SPOCK1: variants seen among roughly 807,000 people sequenced by gnomAD.
The protein encoded by SPOCK1 is testican-1.
A neutral mutation model predicts 55.3 loss-of-function variants in SPOCK1; 23 were observed. The ratio of observed to expected loss-of-function variants is 0.42; its 90% CI spans 0.30 to 0.59. The LOEUF is 0.59. Among genes scored for constraint, SPOCK1 ranks in the 20% least tolerant of loss-of-function variants. The pLI is 0.22. For missense variants in SPOCK1, 499 were observed against 552.5 expected, an observed-to-expected ratio of 0.90 and a Z score of 0.97; for synonymous variants, 226 against 221.0, an observed-to-expected ratio of 1.02 and a Z score of -0.20.
intron 3 of SPOCK1, among the ~76,000 whole-genome samples, chr5:137,209,773 T>G (rs1319695028): frequency 6.6e-6 from 1 of 152,192 alleles, no homozygotes; most frequent in Non-Finnish European, 1.5e-5. Context: ...AATTAGCATG[T>G]GGTTACTGCG....
intron 2 of SPOCK1, among the ~76,000 whole-genome samples, chr5:137,370,354 T>A (rs1487791519): frequency 6.6e-6 from 1 of 152,204 alleles, no homozygotes; most frequent in Non-Finnish European, 1.5e-5. Flanking sequence ...CTTAATCACG[T>A]CCCTGCCAGA....
intron 3 of SPOCK1, among the ~76,000 whole-genome samples, chr5:137,200,326 T>C (rs886240226): frequency 6.6e-6 from 1 of 152,198 alleles, no homozygotes; most frequent in African/African-American, 2.4e-5. Context: ...CAGTGAGGCC[T>C]TTCCCTGGCC....
At chr5:137,146,588 A>G (rs754135075) in intron 3 of SPOCK1, among the ~76,000 whole-genome samples, 7 of 152,228 alleles carry the variant, frequency 4.6e-5, no homozygotes, top group Admixed American at 1.3e-4. Context: ...TCGTCAAGCT[A>G]TGAGCAGGAA....
At chr5:137,391,236 C>A (rs1256540194) in intron 2 of SPOCK1, among the ~76,000 whole-genome samples, 1 of 152,138 alleles carries the variant, frequency 6.6e-6, no homozygotes, top group Non-Finnish European at 1.5e-5. Context: ...TGAACTCATC[C>A]TTTTTATGGC....
rs187841747 is a variant in SPOCK1, at chr5:137,353,380, C to A, written c.187-86325G>T. ...TGGATGACAGAGCAAAACCCTGATT[C>A]AATCAATCAATCAATAAATAAAAAT... On this transcript the variant is annotated intron_variant, in intron 2 of 10. Transcript: ENST00000394945. Among the ~76,000 whole-genome samples the A allele has an allele frequency of 8.9e-4, 135 of 152,200 alleles. 2 individuals are homozygous for A. The East Asian group carries it at 0.02, about 23-fold the overall frequency.
intron 6 of SPOCK1, among the ~76,000 whole-genome samples, chr5:137,040,230 A>G (rs1343210229): frequency 6.6e-6 from 1 of 152,196 alleles, no homozygotes; most frequent in Admixed American, 6.5e-5. Flanking sequence ...CAGCAATCCG[A>G]AGAGGTGGGA....
chr5:137,293,089 A>ATTTTTTTTTTTTTTTTTTTTTTTT (rs531537488), intron 2 of SPOCK1, among the ~76,000 whole-genome samples: 2 of 100,850 alleles, frequency 2.0e-5, no homozygotes, highest in African/African-American at 8.2e-5. Flanking sequence ...GGTTTGTTGA[A>ATTTTTTTTTTTTTTTTTTTTTTTT]TTTTTTTTTT....
intron 2 of SPOCK1, among the ~76,000 whole-genome samples, chr5:137,491,495 C>T (rs1354843982): frequency 1.3e-5 from 2 of 152,180 alleles, no homozygotes; most frequent in African/African-American, 2.4e-5. Context: ...ACAGTGCACT[C>T]AGCCATTCAT....
chr5:137,459,938 G>T (rs1033721597), intron 2 of SPOCK1, among the ~76,000 whole-genome samples: 1 of 152,140 alleles, frequency 6.6e-6, no homozygotes, highest in Non-Finnish European at 1.5e-5. Context: ...TAGGAGAAGG[G>T]GCTTGGCATG....
At chr5:137,408,449 G>A (rs1468822117) in intron 2 of SPOCK1, among the ~76,000 whole-genome samples, 1 of 152,166 alleles carries the variant, frequency 6.6e-6, no homozygotes, top group Non-Finnish European at 1.5e-5. Flanking sequence ...GATCATTCCT[G>A]CCTTGCCAGT....
rs191249638 is a variant in SPOCK1, at chr5:137,488,173, T to C, written c.186+10200A>G. 3.2e-4 allele frequency among the ~76,000 whole-genome samples: 49 copies of C among 152,192 alleles called. No homozygotes were observed. In the East Asian group the frequency reaches 8.3e-3, roughly 26 times the overall value. ...GGGCGGATCACTTGAGGTCAGGAGT[T>C]TGAGACCAGCCTGGCCAATGCGGCG... On this transcript the variant is annotated intron_variant, in intron 2 of 10. Coordinates refer to ENST00000394945, the MANE Select transcript of SPOCK1 (RefSeq NM_004598.4).
At chr5:137,318,575 G>A (rs926884711) in intron 2 of SPOCK1, among the ~76,000 whole-genome samples, 1 of 152,160 alleles carries the variant, frequency 6.6e-6, no homozygotes, top group Non-Finnish European at 1.5e-5. Flanking sequence ...GGTGGATGGT[G>A]AGCCAGATAA....
At chr5:137,195,640 G>A (rs1374355694) in intron 3 of SPOCK1, among the ~76,000 whole-genome samples, 1 of 152,198 alleles carries the variant, frequency 6.6e-6, no homozygotes, top group Non-Finnish European at 1.5e-5. Context: ...CAATGTGCAT[G>A]GCATGATGTG....
intron 9 of SPOCK1, among the ~76,000 whole-genome samples, chr5:136,979,732 G>A (rs1408023249): frequency 1.3e-5 from 2 of 152,156 alleles, no homozygotes; most frequent in African/African-American, 4.8e-5. Context: ...TCTGGGCACT[G>A]ACCTAAATCG....
At chr5:137,109,934 T>A (rs1370197181) in intron 5 of SPOCK1, among the ~76,000 whole-genome samples, 1 of 152,222 alleles carries the variant, frequency 6.6e-6, no homozygotes, top group East Asian at 1.9e-4. Context: ...ATTTCTGTGT[T>A]CCCTACCAGA....
At position 137,042,760 on chromosome 5, in the gene SPOCK1, C is replaced by T. The variant is rs574447624; in HGVS notation, c.589+24955G>A. Among the ~76,000 whole-genome samples the T allele has an allele frequency of 5.3e-5, 8 of 152,090 alleles. No individual in the cohort carries two copies. The East Asian group carries it at 5.8e-4, about 11-fold the overall frequency. Reference sequence around the variant, plus strand: ...GATAAGCAAGGGGAGGAAGCTATAACGACATGGTAATGAGTTGGATACATT... The same window carrying T: ...GATAAGCAAGGGGAGGAAGCTATAATGACATGGTAATGAGTTGGATACATT... On this transcript the variant is annotated intron_variant, in intron 6 of 10. Transcript: ENST00000394945.
rs112946007 is a variant in SPOCK1 at position 137,248,413 on chromosome 5, G to A, written c.232+18597C>T. 9.7e-3 allele frequency among the ~76,000 whole-genome samples: 1,477 copies of A among 152,258 alleles called. 26 individuals are homozygous for A. Among genetic ancestry groups the A allele is most frequent in the African/African-American group, 0.033 (1,388 of 41,552 alleles). ...GTAAGTGACCCACCATCCTGTCCTC[G>A]AAACCCACAGTCTGGCAGAAACACC... is the stretch of plus-strand genomic sequence containing the variant. On this transcript the variant is annotated intron_variant, in intron 3 of 10. Coordinates refer to ENST00000394945, the MANE Select transcript of SPOCK1 (RefSeq NM_004598.4).
At chr5:137,457,724 C>T (rs965546993) in intron 2 of SPOCK1, among the ~76,000 whole-genome samples, 7 of 152,154 alleles carry the variant, frequency 4.6e-5, no homozygotes, top group African/African-American at 1.7e-4. Context: ...TTAAAAAGCA[C>T]TGAGCCTACC....
chr5:137,280,910 C>T (rs1190181842), intron 2 of SPOCK1, among the ~76,000 whole-genome samples: 1 of 152,166 alleles, frequency 6.6e-6, no homozygotes, highest in Non-Finnish European at 1.5e-5. Context: ...ACAGACACCT[C>T]CACCAATGTG....
Sources: gnomAD v4.1 joint callset for allele counts (sites outside exome capture counted in the v4.1 genomes callset) on GRCh38, gnomAD v4.1.1 for gene constraint, MANE v1.5 for transcripts, NCBI Gene and HGNC (gene_info 2026-07-23, HGNC 2026-07-21) for gene names.